Variants in NUP155 observed in about 807,000 individuals in gnomAD.
NUP155 encodes nucleoporin 155.
Under a neutral mutation model 180.4 loss-of-function variants are expected in NUP155, and 71 were observed. The observed-to-expected ratio is 0.39, with a 90% CI of 0.33 to 0.48. The LOEUF (loss-of-function observed/expected upper bound fraction) is 0.48. Ranked by LOEUF, NUP155 falls within the 20% of genes least tolerant of loss-of-function variation. The pLI, the probability that NUP155 is intolerant of heterozygous loss-of-function variation, is 0.91. For synonymous variants in NUP155, 582 were observed against 559.5 expected, an observed-to-expected ratio of 1.04 and a Z score of -0.57; for missense variants, 1,553 against 1,648.9, an observed-to-expected ratio of 0.94 and a Z score of 1.01.
At position 37,299,583 on chromosome 5, in the gene NUP155, C is replaced by T; in HGVS notation, c.3562-15G>A. On this transcript the variant is annotated splice_polypyrimidine_tract_variant and intron_variant, in intron 30 of 34. Coordinates refer to ENST00000231498, the MANE Select transcript of NUP155 (RefSeq NM_153485.3). ...TCCCCATAAAGCTGTGAGAGAAAAT[C>T]CCAAAATTAACATCCAACTAGAGAT... 1.2e-6 allele frequency: 2 copies of T among 1,613,470 alleles called. No individual in the cohort carries two copies. Among genetic ancestry groups the T allele is most frequent in the Non-Finnish European group, 1.7e-6 (2 of 1,179,636 alleles).
intron 14 of NUP155, among the ~76,000 whole-genome samples, chr5:37,331,446 T>C (rs1283262835): frequency 6.6e-6 from 1 of 151,736 alleles, no homozygotes; most frequent in Non-Finnish European, 1.5e-5. Context: ...TGCTGGCACA[T>C]GCCTGTAATC....
chr5:37,317,539 A>G (rs1430881101), intron 21 of NUP155, among the ~76,000 whole-genome samples: 2 of 152,100 alleles, frequency 1.3e-5, no homozygotes, highest in Non-Finnish European at 1.5e-5. Flanking sequence ...TGGTATATAT[A>G]TATTTCACCA....
Position 37,291,766 on chromosome 5 carries a change from A to C in NUP155, c.*134T>G. On this transcript the variant is annotated 3_prime_UTR_variant, in exon 35 of 35. Coordinates refer to ENST00000231498, the MANE Select transcript of NUP155 (RefSeq NM_153485.3). The stretch of plus-strand genomic sequence containing the variant: ...CATTTAGCAAAGGTACTATTTGTAG[A>C]TATTAGCCACTTATTAAAAACATAT... 1 of 768,816 alleles carries C rather than the reference A, an allele frequency of 1.3e-6. No individual in the cohort carries two copies. The highest frequency in any genetic ancestry group is 2.1e-6 in the Non-Finnish European group (1 of 465,944). The allele number at this position is 768,816 out of a possible 1,614,324, so 47.6% of individuals were successfully genotyped here. A position where few individuals can be genotyped will look rare whatever the true frequency, so the allele number is the denominator to read the frequency against.
At chr5:37,299,659 C>T (rs775764849) in intron 30 of NUP155, 91 bp from the exon 31 acceptor site, 3 of 1,288,226 alleles carry the variant, frequency 2.3e-6, no homozygotes, top group Non-Finnish European at 3.3e-6. Context: ...AAAAAATAAC[C>T]AAAGATTTTA....
At position 37,322,706 on chromosome 5, in the gene NUP155, C is replaced by CAA. The variant is rs1172972564; in HGVS notation, c.2207+1284_2207+1285dup. On this transcript the variant is annotated intron_variant, in intron 20 of 34. Transcript: ENST00000231498. ...TGGGCGACAGAGCGAGACTCTGTCT[C>CAA]AAAAAAAAAAAAAAAATCCATTATT... Among the ~76,000 whole-genome samples, 610 of 101,968 alleles carry CAA rather than the reference C, an allele frequency of 6.0e-3. 33 individuals carry two copies. In the East Asian group the frequency reaches 0.14, roughly 23 times the overall value. The allele number at this position is 101,968 out of a possible 152,430, so 66.9% of individuals were successfully genotyped here.
intron 32 of NUP155, among the ~76,000 whole-genome samples, chr5:37,295,184 T>C (rs1156603601): frequency 1.3e-5 from 2 of 152,296 alleles, no homozygotes; most frequent in South Asian, 2.1e-4. Flanking sequence ...GTGCCTGCGA[T>C]TGCAGGTGCG....
At chr5:37,335,136 C>G (rs6871686) in intron 12 of NUP155, among the ~76,000 whole-genome samples, 1 of 141,256 alleles carries the variant, frequency 7.1e-6, no homozygotes. Flanking sequence ...CCAGCCTGGA[C>G]GACAGAACAA....
chr5:37,306,190 A>G (rs1295198976), intron 25 of NUP155, among the ~76,000 whole-genome samples: 3 of 152,112 alleles, frequency 2.0e-5, no homozygotes, highest in Non-Finnish European at 2.9e-5. Flanking sequence ...CAGGAGTTAA[A>G]GACCAGCCTG....
chr5:37,361,265 CAAA>C (rs35489900), intron 3 of NUP155, among the ~76,000 whole-genome samples: 1 of 78,006 alleles, frequency 1.3e-5, no homozygotes, highest in African/African-American at 6.0e-5. Context: ...GACTCTGTCT[CAAA>C]AAAAAAAAAA....
chr5:37,288,255 G>A lies in NUP155; in HGVS notation c.*3645C>T, dbSNP rs1372220181. 1 of 152,080 alleles carries A rather than the reference G, an allele frequency of 6.6e-6. No individual in the cohort carries two copies. The highest frequency in any genetic ancestry group is 2.4e-5 in the African/African-American group (1 of 41,406). The allele number at this position is 152,080 out of a possible 1,614,324, so 9.4% of individuals were successfully genotyped here. ...CAATGTTCTAGTTCTTCATTTCCTTGATACAACTCTGTACCATGGTCATAA... is the reference window on the plus strand; with the variant it reads ...CAATGTTCTAGTTCTTCATTTCCTTAATACAACTCTGTACCATGGTCATAA... On this transcript the variant is annotated 3_prime_UTR_variant, in exon 35 of 35. Coordinates refer to ENST00000231498, the MANE Select transcript of NUP155 (RefSeq NM_153485.3).
chr5:37,357,399 C>CAAAAAAAAAAAAA, intron 4 of NUP155, among the ~76,000 whole-genome samples: 1 of 31,300 alleles, frequency 3.2e-5, no homozygotes, highest in Non-Finnish European at 5.2e-5. Flanking sequence ...ACCTTAATCT[C>CAAAAAAAAAAAAA]AAAAAAAAAA....
intron 5 of NUP155, among the ~76,000 whole-genome samples, chr5:37,352,394 C>T (rs1456447177): frequency 1.3e-5 from 2 of 151,644 alleles, no homozygotes; most frequent in African/African-American, 2.4e-5. Flanking sequence ...CAAAATTAGC[C>T]GGGTATGGTG....
intron 22 of NUP155, among the ~76,000 whole-genome samples, chr5:37,312,029 TA>T (rs1205331274): frequency 1.3e-5 from 2 of 151,618 alleles, no homozygotes; most frequent in Non-Finnish European, 2.9e-5. Flanking sequence ...TCAAAAAAAA[TA>T]AAAAACAAAC....
At position 37,357,067 on chromosome 5, in the gene NUP155, A is replaced by C. The variant is rs1425372211; in HGVS notation, c.463+1014T>G. Among the ~76,000 whole-genome samples, 4 of 152,208 alleles carry C rather than the reference A, an allele frequency of 2.6e-5. No individual in the cohort carries two copies. In the East Asian group the frequency reaches 7.7e-4, roughly 29 times the overall value. On this transcript the variant is annotated intron_variant, in intron 4 of 34. Coordinates refer to ENST00000231498, the MANE Select transcript of NUP155 (RefSeq NM_153485.3). ...GGCTGCTGTGAGCGGAGATCACGCC[A>C]CTGCACTCCAGCCTGGGCAACAGAG...
intron 28 of NUP155, 116 bp downstream of exon 28, chr5:37,303,144 A>C: frequency 8.2e-7 from 1 of 1,226,374 alleles, no homozygotes; most frequent in Non-Finnish European, 1.1e-6. Flanking sequence ...ATCCTATTTA[A>C]AAAATTTAGG....
Position 37,341,127 on chromosome 5 carries a change from T to C in NUP155, c.1209A>G (p.Glu403=), listed in dbSNP as rs771411930. ...PPGFSASSTV[E]KPSKVHRALY... ...GAGCTCTATGTACTTTTGAAGGCTT[T>C]TCCACGGTTGAAGATGCTGAGAATC... The change falls in exon 11 of 35, where the codon GAA becomes GAG. Residue 403 remains glutamate (E), a synonymous_variant. Coordinates refer to ENST00000231498, the MANE Select transcript of NUP155 (RefSeq NM_153485.3). 3.1e-6 allele frequency: 5 copies of C among 1,613,888 alleles called. No homozygotes were observed. In the African/African-American group the frequency reaches 5.3e-5, roughly 17 times the overall value.
chr5:37,337,702 CTAA>C, intron 12 of NUP155, 113 bp downstream of exon 12: 1 of 645,700 alleles, frequency 1.5e-6, no homozygotes, highest in South Asian at 1.9e-5. Context: ...TTTATAATTT[CTAA>C]TAATACGTTA....
chr5:37,368,604 G>A (rs887418108), intron 1 of NUP155, among the ~76,000 whole-genome samples: 21 of 151,986 alleles, frequency 1.4e-4, no homozygotes, highest in Middle Eastern at 3.4e-3. Flanking sequence ...CGGATCACAT[G>A]AGGTCAGGAG....
chr5:37,351,478 T>G, intron 5 of NUP155, 122 bp from the exon 6 acceptor site: 2 of 689,846 alleles, frequency 2.9e-6, no homozygotes, highest in Non-Finnish European at 4.8e-6. Context: ...GAGACAGTCT[T>G]ACTCTGTCAC....
Sources: gnomAD v4.1 joint callset for allele counts (sites outside exome capture counted in the v4.1 genomes callset) on GRCh38, gnomAD v4.1.1 for gene constraint, MANE v1.5 for transcripts, NCBI Gene and HGNC (gene_info 2026-07-23, HGNC 2026-07-21) for gene names.